The following ADARB1 variants were observed in gnomAD, a reference collection of about 807,000 sequenced individuals.
ADARB1 encodes the protein adenosine deaminase RNA specific B1.
Under a neutral mutation model 52.4 loss-of-function variants are expected in ADARB1, and 10 were observed. The observed-to-expected ratio is 0.19, with a 90% CI of 0.12 to 0.32. ADARB1 has a LOEUF of 0.32. Among genes scored for constraint, ADARB1 ranks in the 10% least tolerant of loss-of-function variants. The pLI is 1.00. For missense variants in ADARB1, 643 were observed against 922.3 expected (o/e 0.70, Z 3.92); for synonymous variants, 349 against 371.1 (o/e 0.94, Z 0.68).
intron 8 of ADARB1, among the ~76,000 whole-genome samples, chr21:45,198,088 C>T (rs2092465662): frequency 6.6e-6 from 1 of 152,084 alleles, no homozygotes. Context: ...AAGTAAATGA[C>T]AGAAAGCACC....
At chr21:45,104,058 G>A (rs773799558) in intron 1 of ADARB1, among the ~76,000 whole-genome samples, 17 of 152,102 alleles carry the variant, frequency 1.1e-4, no homozygotes, top group Non-Finnish European at 2.2e-4. Context: ...TCACTTTTGG[G>A]GAGGGGGGTC....
Position 45,208,058 on chromosome 21 carries a change from A to G in ADARB1, c.1747+3322A>G, listed in dbSNP as rs2092698339. On this transcript the variant is annotated intron_variant, in intron 9 of 10. Transcript: ENST00000348831. The surrounding 1 kb of genome is among the most constrained non-coding windows in gnomAD (Gnocchi z 5.6). ...CCTTGCTTAGCACTGTGGAAGAGGAAGTCTCTCGAGCTTTCTCAGACTTTC... is the reference window on the plus strand; with the variant it reads ...CCTTGCTTAGCACTGTGGAAGAGGAGGTCTCTCGAGCTTTCTCAGACTTTC... 6.6e-6 allele frequency among the ~76,000 whole-genome samples: 1 copy of G among 152,212 alleles called. No individual in the cohort carries two copies. Among genetic ancestry groups the G allele is most frequent in the South Asian group, 2.1e-4 (1 of 4,832 alleles).
intron 1 of ADARB1, among the ~76,000 whole-genome samples, chr21:45,115,714 G>T (rs750855711): frequency 6.6e-6 from 1 of 152,172 alleles, no homozygotes; most frequent in Non-Finnish European, 1.5e-5. Context: ...AAGGACTCTT[G>T]CAGAAGTCGT....
At position 45,163,329 on chromosome 21, in the gene ADARB1, T is replaced by C. The variant is rs181705082; in HGVS notation, c.-47-8281T>C. On this transcript the variant is annotated intron_variant, in intron 2 of 10. Coordinates refer to ENST00000348831, the MANE Select transcript of ADARB1 (RefSeq NM_001112.4). ...CACAGGTAACATTCCCTGGCTGTGATTAGTTGGTTGAGGACATCACAATTG... is the reference window on the plus strand; with the variant it reads ...CACAGGTAACATTCCCTGGCTGTGACTAGTTGGTTGAGGACATCACAATTG... Among the ~76,000 whole-genome samples the C allele has an allele frequency of 3.2e-4, 49 of 152,286 alleles. 2 individuals are homozygous for C. In the East Asian group the frequency reaches 8.5e-3, roughly 26 times the overall value.
chr21:45,114,933 A>G (rs2087747038), intron 1 of ADARB1, among the ~76,000 whole-genome samples: 1 of 152,206 alleles, frequency 6.6e-6, no homozygotes, highest in African/African-American at 2.4e-5. Flanking sequence ...AATCCTGGTC[A>G]TGGGCTCGCA....
intron 1 of ADARB1, among the ~76,000 whole-genome samples, chr21:45,094,562 AGCCCCG>A (rs2086682208): frequency 6.6e-6 from 1 of 152,152 alleles, no homozygotes; most frequent in African/African-American, 2.4e-5. Flanking sequence ...ACATGGAAGC[AGCCCCG>A]AGCACTATGT....
At position 45,200,389 on chromosome 21, in the gene ADARB1, G is replaced by T. The variant is rs1276038022; in HGVS notation, c.1566-4166G>T. On this transcript the variant is annotated intron_variant, in intron 8 of 10. Coordinates refer to ENST00000348831, the MANE Select transcript of ADARB1 (RefSeq NM_001112.4). The surrounding 1 kb of genome is among the most constrained non-coding windows in gnomAD (Gnocchi z 5.0). Reference sequence around the variant, plus strand: ...CCACGGTGATTATGTTGGCGCGGGAGCCGTGGGAAGGAACGAGAGTCTTGG... The same window carrying T: ...CCACGGTGATTATGTTGGCGCGGGATCCGTGGGAAGGAACGAGAGTCTTGG... Among the ~76,000 whole-genome samples, 1 of 152,200 alleles carries T rather than the reference G, an allele frequency of 6.6e-6. No individual in the cohort carries two copies. Among genetic ancestry groups the T allele is most frequent in the Non-Finnish European group, 1.5e-5 (1 of 68,032 alleles).
intron 1 of ADARB1, among the ~76,000 whole-genome samples, chr21:45,104,182 G>A (rs1242118359): frequency 6.6e-6 from 1 of 152,186 alleles, no homozygotes; most frequent in Non-Finnish European, 1.5e-5. Flanking sequence ...CCCCTTTCTT[G>A]TCTGTCTCCT....
intron 9 of ADARB1, among the ~76,000 whole-genome samples, chr21:45,216,928 C>T (rs1314990642): frequency 6.6e-6 from 1 of 151,798 alleles, no homozygotes; most frequent in Non-Finnish European, 1.5e-5. Flanking sequence ...TCTTAATAAA[C>T]CGACCTCCTT....
chr21:45,111,861 C>G (rs1024832288), intron 1 of ADARB1, among the ~76,000 whole-genome samples: 3 of 152,200 alleles, frequency 2.0e-5, no homozygotes, highest in Non-Finnish European at 4.4e-5. Context: ...TAAAGAAGCA[C>G]AGGTGTTGCT....
intron 2 of ADARB1, among the ~76,000 whole-genome samples, chr21:45,138,143 A>C (rs949691335): frequency 1.3e-5 from 2 of 152,238 alleles, no homozygotes; most frequent in Non-Finnish European, 2.9e-5. Context: ...CAGAGATGCA[A>C]CATAATAGGA....
chr21:45,139,504 A>G (rs1333506262), intron 2 of ADARB1, among the ~76,000 whole-genome samples: 1 of 151,790 alleles, frequency 6.6e-6, no homozygotes, highest in Non-Finnish European at 1.5e-5. Flanking sequence ...CTTGCCTGGC[A>G]TGGAGTGGTA....
At position 45,176,296 on chromosome 21, in the gene ADARB1, T is replaced by G. The variant is rs2091692703; in HGVS notation, c.595T>G (p.Ser199Ala). Reference sequence around the variant, plus strand: ...TTACGTGGGCTCCAATGGGGATGACTCCTTCAGTTCCAGCGGGGACCTCAG... The same window carrying G: ...TTACGTGGGCTCCAATGGGGATGACGCCTTCAGTTCCAGCGGGGACCTCAG... Reference protein sequence around the residue: ...PFYVGSNGDDSFSSSGDLSLS... With the variant: ...PFYVGSNGDDAFSSSGDLSLS... The change falls in exon 4 of 11, where the codon TCC becomes GCC. Residue 199 changes from serine (S) to alanine (A), a missense_variant. Ser to Ala is a moderately conservative substitution (Grantham distance 99). Transcript: ENST00000348831. The surrounding 1 kb of genome is among the most constrained non-coding windows in gnomAD (Gnocchi z 5.8). 5 of 1,614,042 alleles carry G rather than the reference T, an allele frequency of 3.1e-6. No individual in the cohort carries two copies. The highest frequency in any genetic ancestry group is 4.2e-6 in the Non-Finnish European group (5 of 1,180,008).
intron 2 of ADARB1, among the ~76,000 whole-genome samples, 159 bp from the exon 3 acceptor site, chr21:45,171,451 C>T (rs2091479364): frequency 6.6e-6 from 1 of 152,192 alleles, no homozygotes; most frequent in South Asian, 2.1e-4. Context: ...TATTTTGTAC[C>T]AGATGGCAGA....
At chr21:45,174,039 C>T (rs186481600) in intron 3 of ADARB1, among the ~76,000 whole-genome samples, 9 of 152,154 alleles carry the variant, frequency 5.9e-5, no homozygotes, top group Admixed American at 3.9e-4. Context: ...CAGCCAAGGG[C>T]GAGGACTTGG....
intron 1 of ADARB1, among the ~76,000 whole-genome samples, chr21:45,104,389 C>T (rs1363591624): frequency 1.3e-5 from 2 of 151,926 alleles, no homozygotes; most frequent in African/African-American, 4.8e-5. Context: ...GCTACTGTAC[C>T]CATTTGACTG....
intron 1 of ADARB1, among the ~76,000 whole-genome samples, chr21:45,105,820 G>A (rs1192409951): frequency 1.3e-5 from 2 of 152,358 alleles, no homozygotes; most frequent in East Asian, 3.9e-4. Flanking sequence ...CTGTAGAGGT[G>A]AAGTTCCAAG....
At chr21:45,159,039 C>G (rs422720) in intron 2 of ADARB1, among the ~76,000 whole-genome samples, 3 of 151,994 alleles carry the variant, frequency 2.0e-5, no homozygotes, top group Admixed American at 1.3e-4. Flanking sequence ...TGTAAGAATT[C>G]GGAAACATAG....
intron 2 of ADARB1, among the ~76,000 whole-genome samples, chr21:45,162,040 C>T (rs2090999537): frequency 6.6e-6 from 1 of 152,150 alleles, no homozygotes. Flanking sequence ...AATGGCAGGT[C>T]TGAAAGAGCT....
Sources: allele counts gnomAD v4.1 joint callset (sites outside exome capture counted in the v4.1 genomes callset), GRCh38; gene constraint gnomAD v4.1.1; non-coding constraint Gnocchi (gnomAD v3.1); transcripts MANE v1.5; gene names NCBI Gene and HGNC (gene_info 2026-07-23, HGNC 2026-07-21).